Variants in ERC2 observed in about 807,000 individuals in gnomAD.
The protein encoded by ERC2 is ERC protein 2.
Under a neutral mutation model 114.8 loss-of-function variants are expected in ERC2, and 42 were observed. The ratio of observed to expected loss-of-function variants is 0.37; its 90% CI spans 0.29 to 0.47. The LOEUF (loss-of-function observed/expected upper bound fraction) is 0.47, where lower values mean the gene tolerates loss of function less well. Among genes scored for constraint, ERC2 ranks in the 20% least tolerant of loss-of-function variants. The pLI is 0.99. For synonymous variants in ERC2, 454 were observed against 425.5 expected (o/e 1.07, Z -0.82); for missense variants, 939 against 1,150.7 (o/e 0.82, Z 2.66).
At chr3:55,990,841 T>C (rs1375791727) in intron 11 of ERC2, among the ~76,000 whole-genome samples, 1 of 152,212 alleles carries the variant, frequency 6.6e-6, no homozygotes, top group African/African-American at 2.4e-5. Flanking sequence ...CTAACAAGAT[T>C]CAAGGCCATG....
chr3:55,593,808 C>T (rs183872221), intron 17 of ERC2, among the ~76,000 whole-genome samples: 2 of 152,230 alleles, frequency 1.3e-5, no homozygotes, highest in Non-Finnish European at 2.9e-5. Context: ...ACAAAGAGGC[C>T]CCATTCTCCC....
intron 14 of ERC2, among the ~76,000 whole-genome samples, chr3:55,744,944 G>C (rs1212656168): frequency 6.6e-6 from 1 of 152,164 alleles, no homozygotes; most frequent in Admixed American, 6.5e-5. Context: ...GCTAGCATTT[G>C]CTTATTAAAT....
chr3:56,346,268 T>C (rs2058303555), intron 2 of ERC2, among the ~76,000 whole-genome samples: 1 of 152,230 alleles, frequency 6.6e-6, no homozygotes, highest in Non-Finnish European at 1.5e-5. Flanking sequence ...TCTCCATGGC[T>C]GTGTCACATT....
intron 11 of ERC2, among the ~76,000 whole-genome samples, chr3:55,987,318 C>A: frequency 6.6e-6 from 1 of 152,182 alleles, no homozygotes; most frequent in Non-Finnish European, 1.5e-5. Flanking sequence ...AGGTCTGTGG[C>A]CAAGCCTTAG....
intron 7 of ERC2, among the ~76,000 whole-genome samples, chr3:56,055,818 T>C (rs1312827247): frequency 6.6e-6 from 1 of 152,246 alleles, no homozygotes; most frequent in Non-Finnish European, 1.5e-5. Flanking sequence ...TGCACTTGCA[T>C]GCCCTCATGC....
intron 14 of ERC2, among the ~76,000 whole-genome samples, chr3:55,827,348 A>G (rs1542422): frequency 0.5 from 76,166 of 151,240 alleles, 22,646 homozygotes; most frequent in African/African-American, 0.84. Flanking sequence ...GGGACGGAGG[A>G]GGAGATGAAA....
At chr3:55,523,577 C>G (rs571622550) in intron 17 of ERC2, among the ~76,000 whole-genome samples, 88 of 152,294 alleles carry the variant, frequency 5.8e-4, no homozygotes, top group African/African-American at 2.0e-3. Context: ...CCCCCCTCTC[C>G]CCATATGCAC....
chr3:56,021,283 C>T (rs1458301634), intron 7 of ERC2, among the ~76,000 whole-genome samples: 1 of 151,990 alleles, frequency 6.6e-6, no homozygotes, highest in Non-Finnish European at 1.5e-5. Context: ...GTCTAGGAGG[C>T]AGAAGGAAGA....
At chr3:56,259,544 TGGGGGAGGAAACGTGGGTTTTAGA>T (rs2052766354) in intron 3 of ERC2, among the ~76,000 whole-genome samples, 1 of 151,970 alleles carries the variant, frequency 6.6e-6, no homozygotes, top group Non-Finnish European at 1.5e-5. Context: ...ACAACAGGTA[TGGGGGAGGAAACGTGGGTTTTAGA>T]ATAAGTTTTG....
chr3:55,901,563 C>T (rs934487645), intron 13 of ERC2, among the ~76,000 whole-genome samples: 1 of 152,208 alleles, frequency 6.6e-6, no homozygotes, highest in African/African-American at 2.4e-5. Context: ...ATCTCCCTCA[C>T]ATCAAATCCA....
intron 3 of ERC2, 109 bp from the exon 4 acceptor site, chr3:56,173,629 A>C: frequency 1.1e-6 from 1 of 939,898 alleles, no homozygotes; most frequent in Non-Finnish European, 1.6e-6. Flanking sequence ...CCTTGCACAG[A>C]CATAAACAAG....
At chr3:55,728,983 A>T (rs2065084853) in intron 15 of ERC2, among the ~76,000 whole-genome samples, 1 of 151,986 alleles carries the variant, frequency 6.6e-6, no homozygotes, top group South Asian at 2.1e-4. Flanking sequence ...GCACCTTGAG[A>T]CTCCATGGAG....
At chr3:56,379,965 G>A (rs2059686115) in intron 2 of ERC2, among the ~76,000 whole-genome samples, 1 of 152,138 alleles carries the variant, frequency 6.6e-6, no homozygotes, top group Admixed American at 6.5e-5. Context: ...TCAGCATTAT[G>A]AACGTTAGGG....
chr3:55,901,932 T>C (rs1313157635), intron 13 of ERC2, among the ~76,000 whole-genome samples: 1 of 152,222 alleles, frequency 6.6e-6, no homozygotes. Context: ...GGATATGAAA[T>C]TGACTTTCTT....
chr3:56,321,788 T>C (rs563420631), intron 2 of ERC2, among the ~76,000 whole-genome samples: 1 of 152,328 alleles, frequency 6.6e-6, no homozygotes, highest in Admixed American at 6.5e-5. Flanking sequence ...CTAACTGGTT[T>C]TGTTTGCTAA....
chr3:55,684,319 C>T (rs571252892), intron 16 of ERC2, among the ~76,000 whole-genome samples: 136 of 148,404 alleles, frequency 9.2e-4, no homozygotes, highest in Non-Finnish European at 1.5e-3. Flanking sequence ...CACACACACA[C>T]ACGCACACAC....
chr3:56,033,060 GAAAGAA>G (rs2074569286), intron 7 of ERC2, among the ~76,000 whole-genome samples: 1 of 144,068 alleles, frequency 6.9e-6, no homozygotes, highest in African/African-American at 2.5e-5. Context: ...AAGAAAGAAA[GAAAGAA>G]AGAAAGAAAG....
chr3:56,417,699 A>G (rs1178236187), intron 2 of ERC2, among the ~76,000 whole-genome samples: 4 of 152,234 alleles, frequency 2.6e-5, no homozygotes, highest in Admixed American at 2.6e-4. Flanking sequence ...TAGGTAATCC[A>G]TCTCCAAAGC....
chr3:55,709,118 G>A (rs994216897), intron 15 of ERC2, among the ~76,000 whole-genome samples: 1 of 152,122 alleles, frequency 6.6e-6, no homozygotes, highest in African/African-American at 2.4e-5. Flanking sequence ...CAGCCTCGGG[G>A]TATCGCCTAA....
Sources: gnomAD v4.1 joint callset for allele counts (sites outside exome capture counted in the v4.1 genomes callset) on GRCh38, gnomAD v4.1.1 for gene constraint, MANE v1.5 for transcripts, NCBI Gene and HGNC (gene_info 2026-07-23, HGNC 2026-07-21) for gene names.